The following OCSTAMP variants were observed in gnomAD, a reference collection of about 807,000 sequenced individuals.
The protein encoded by OCSTAMP is osteoclast stimulatory transmembrane protein, also known as transmembrane protein C20orf123.
OCSTAMP carries 17 observed loss-of-function variants against 25.2 expected under a neutral mutation model. The observed-to-expected ratio is 0.68, with a 90% confidence interval of 0.46 to 1.01. The LOEUF is 1.01. Ranked by LOEUF, OCSTAMP falls within the 50% of genes least tolerant of loss-of-function variation. The probability of loss-of-function intolerance (pLI) is 0.00; values close to 1 mark genes in which losing one functional copy is unlikely to be tolerated. For missense variants in OCSTAMP, 664 were observed against 694.6 expected, an observed-to-expected ratio of 0.96 and a Z score of 0.50; for synonymous variants, 345 against 318.9, an observed-to-expected ratio of 1.08 and a Z score of -0.87.
chr20:46,548,357 A>G (rs1686287105), intron 1 of OCSTAMP, among the ~76,000 whole-genome samples: 1 of 152,200 alleles, frequency 6.6e-6, no homozygotes, highest in Non-Finnish European at 1.5e-5. Flanking sequence ...CGTTTTGGTC[A>G]CTGATATGTC....
intron 1 of OCSTAMP, among the ~76,000 whole-genome samples, chr20:46,549,143 G>A (rs1206384819): frequency 6.6e-6 from 1 of 152,184 alleles, no homozygotes; most frequent in African/African-American, 2.4e-5. Flanking sequence ...AGATCAATCT[G>A]TCACTTGCAA....
In OCSTAMP at chr20:46,542,574, C is replaced by CAAAAAAAAAAAAAA. The variant is rs3092597; in HGVS notation, c.1048-661_1048-648dup. On this transcript the variant is annotated intron_variant, in intron 2 of 2. Transcript: ENST00000279028. ...TGGGCAACACAGCAAGACTCTGTCT[C>CAAAAAAAAAAAAAA]AAAAAAAAAAAAAAGATGGGAAGCC... is the stretch of plus-strand genomic sequence containing the variant. 2.9e-4 allele frequency among the ~76,000 whole-genome samples: 29 copies of CAAAAAAAAAAAAAA among 100,350 alleles called. 1 individual carries two copies. In the South Asian group the frequency reaches 7.9e-3, roughly 27 times the overall value. 65.8% of individuals were successfully genotyped at this position (100,350 alleles called of 152,430 possible).
rs1005740739 is a variant in OCSTAMP at position 46,545,897 on chromosome 20, A to G, written c.477T>C (p.Ser159=). Residue 159 remains serine, a synonymous_variant, in exon 2 of 3, where the codon AGT becomes AGC. Transcript: ENST00000279028. Reference sequence around the variant, plus strand: ...GCAGCTGGTGAGTGGTATTGAGGAGACTCTCCAGGGAGCCCTCGGTGACAC... The same window carrying G: ...GCAGCTGGTGAGTGGTATTGAGGAGGCTCTCCAGGGAGCCCTCGGTGACAC... ...LRCVTEGSLE[S]LLNTTHQLHA... 1.9e-6 allele frequency: 3 copies of G among 1,550,890 alleles called. No individual in the cohort carries two copies. Among genetic ancestry groups the G allele is most frequent in the Non-Finnish European group, 2.6e-6 (3 of 1,146,852 alleles).
chr20:46,547,088 A>C (rs900261654), intron 1 of OCSTAMP, among the ~76,000 whole-genome samples: 17 of 152,082 alleles, frequency 1.1e-4, no homozygotes, highest in African/African-American at 4.1e-4. Context: ...GTGTGAGAGA[A>C]AGAGGGGAGT....
intron 2 of OCSTAMP, among the ~76,000 whole-genome samples, chr20:46,544,889 G>C (rs558672746): frequency 6.6e-6 from 1 of 152,302 alleles, no homozygotes; most frequent in Admixed American, 6.5e-5. Context: ...ATAGACAGAT[G>C]TAAGCTATTA....
rs2061850265 is a variant in OCSTAMP, at chr20:46,545,862, G to GGC, written c.511_512insGC (p.Ser171CysfsTer16). ...CTGGCCTGTGGGGCCCAGAGCCCTG[G>GGC]ATGCTGCATGCAGCTGGTGAGTGGT... On this transcript the variant is annotated frameshift_variant, in exon 2 of 3. Coordinates refer to ENST00000279028, the MANE Select transcript of OCSTAMP (RefSeq NM_080721.3). LOFTEE classifies it high-confidence loss of function. The GGC allele has an allele frequency of 6.4e-7, 1 of 1,551,262 alleles. No individual in the cohort carries two copies. Among genetic ancestry groups the GGC allele is most frequent in the African/African-American group, 1.4e-5 (1 of 73,064 alleles).
At chr20:46,550,037 G>A (rs1170139112) in intron 1 of OCSTAMP, among the ~76,000 whole-genome samples, 1 of 152,130 alleles carries the variant, frequency 6.6e-6, no homozygotes, top group Admixed American at 6.5e-5. Context: ...CACCCAGGTG[G>A]CCTTCCACAG....
intron 1 of OCSTAMP, among the ~76,000 whole-genome samples, chr20:46,548,783 G>C (rs995938165): frequency 9.9e-5 from 15 of 152,122 alleles, no homozygotes; most frequent in Admixed American, 3.3e-4. Context: ...CATGTGACTG[G>C]GTCTAGTTGA....
In OCSTAMP at chr20:46,540,967, G is replaced by T; in HGVS notation, c.*307C>A. ...ACTGAGTGTCCTATATTTTAATTTGGCAAAATCTAATCCTGGCAATGGAAA... is the reference window on the plus strand; with the variant it reads ...ACTGAGTGTCCTATATTTTAATTTGTCAAAATCTAATCCTGGCAATGGAAA... On this transcript the variant is annotated 3_prime_UTR_variant, in exon 3 of 3. Coordinates refer to ENST00000279028, the MANE Select transcript of OCSTAMP (RefSeq NM_080721.3). The T allele has an allele frequency of 7.0e-6, 2 of 287,468 alleles. No homozygotes were observed. Among genetic ancestry groups the T allele is most frequent in the South Asian group, 7.5e-5 (1 of 13,312 alleles). The allele number at this position is 287,468 out of a possible 1,614,324, so 17.8% of individuals were successfully genotyped here.
Position 46,550,504 on chromosome 20 carries a change from T to C in OCSTAMP, c.44+13A>G. ...CACCTGTAGCCCTCAGTGTCCAAAGTCCCCAGACCTACCCGGTCTTGACAA... is the reference window on the plus strand; with the variant it reads ...CACCTGTAGCCCTCAGTGTCCAAAGCCCCCAGACCTACCCGGTCTTGACAA... On this transcript the variant is annotated intron_variant, in intron 1 of 2. Coordinates refer to ENST00000279028, the MANE Select transcript of OCSTAMP (RefSeq NM_080721.3). 6.4e-7 allele frequency: 1 copy of C among 1,551,336 alleles called. No homozygotes were observed. Among genetic ancestry groups the C allele is most frequent in the Non-Finnish European group, 8.7e-7 (1 of 1,146,722 alleles).
chr20:46,541,370 C>T lies in OCSTAMP; in HGVS notation c.1605G>A (p.Leu535=), dbSNP rs1295427141. The change falls in exon 3 of 3, where the codon CTG becomes CTA. Residue 535 remains leucine, a synonymous_variant. Transcript: ENST00000279028. ...CAATGGTAAATATGCTGTCGTTATG[C>T]AGATGTAGAAACCGAGGCTCAGAGA... ...LHLSEPRFLH[L]HNDSIFTIDV... The T allele has an allele frequency of 1.2e-6, 1 of 842,684 alleles. No homozygotes were observed. Among genetic ancestry groups the T allele is most frequent in the Non-Finnish European group, 2.0e-6 (1 of 498,954 alleles). 52.2% of individuals were successfully genotyped at this position (842,684 alleles called of 1,614,324 possible).
In OCSTAMP at chr20:46,546,027, T is replaced by C. The variant is rs1167436039; in HGVS notation, c.347A>G (p.Glu116Gly). 6.4e-7 allele frequency: 1 copy of C among 1,551,238 alleles called. No homozygotes were observed. The highest frequency in any genetic ancestry group is 8.7e-7 in the Non-Finnish European group (1 of 1,146,978). ...FALSVPTLGM[E>G]QGRRLLLSYS... Reference sequence around the variant, plus strand: ...GGACAGGAGCAGCCGGCGGCCCTGCTCCATACCCAGGGTGGGCACGCTGAG... The same window carrying C: ...GGACAGGAGCAGCCGGCGGCCCTGCCCCATACCCAGGGTGGGCACGCTGAG... Residue 116 changes from glutamate to glycine, a missense_variant, in exon 2 of 3, where the codon GAG (glutamate) becomes GGG (glycine). Physicochemically the swap from Glu to Gly is moderately conservative, Grantham distance 98 (BLOSUM62 -2). Transcript: ENST00000279028.
Position 46,541,178 on chromosome 20 carries a change from G to A in OCSTAMP, c.*96C>T. On this transcript the variant is annotated 3_prime_UTR_variant, in exon 3 of 3. Transcript: ENST00000279028. ...TCTCCATCTAACAAGTAGAGCAGTT[G>A]GTGCAGATGAGATGAGCCTGATCGC... 4.7e-6 allele frequency: 3 copies of A among 640,842 alleles called. No homozygotes were observed. The highest frequency in any genetic ancestry group is 1.8e-5 in the South Asian group (1 of 54,458). The allele number at this position is 640,842 out of a possible 1,614,324, so 39.7% of individuals were successfully genotyped here. A position where few individuals can be genotyped will look rare whatever the true frequency, so the allele number is the denominator to read the frequency against.
chr20:46,545,318 C>A lies in OCSTAMP; in HGVS notation c.1047+9G>T. ...TGACTCCCTTCCCTTTTCCCATCAT[C>A]ACACTTACATCATACTTGACCGTGA... On this transcript the variant is annotated intron_variant, in intron 2 of 2. Transcript: ENST00000279028. 1 of 1,450,850 alleles carries A rather than the reference C, an allele frequency of 6.9e-7. No individual in the cohort carries two copies. The highest frequency in any genetic ancestry group is 9.1e-7 in the Non-Finnish European group (1 of 1,099,362). The allele number at this position is 1,450,850 out of a possible 1,614,324, so 89.9% of individuals were successfully genotyped here.
At position 46,541,319 on chromosome 20, in the gene OCSTAMP, A is replaced by T. The variant is rs553856395; in HGVS notation, c.1656T>A (p.Asp552Glu). The T allele has an allele frequency of 1.4e-6, 1 of 736,048 alleles. No homozygotes were observed. Among genetic ancestry groups the T allele is most frequent in the South Asian group, 1.5e-5 (1 of 67,914 alleles). The allele number at this position is 736,048 out of a possible 1,614,324, so 45.6% of individuals were successfully genotyped here. A position where few individuals can be genotyped will look rare whatever the true frequency, so the allele number is the denominator to read the frequency against. ...TIDVTYFPRRDVVRMEGNTGH... is the reference protein window; with the variant it reads ...TIDVTYFPRREVVRMEGNTGH... Reference sequence around the variant, plus strand: ...CAGTATTTCCTTCCATCCTGACCACATCCCTGCGTGGGAAGTAGGTCACAT... The same window carrying T: ...CAGTATTTCCTTCCATCCTGACCACTTCCCTGCGTGGGAAGTAGGTCACAT... Residue 552 changes from aspartate (D) to glutamate (E), a missense_variant, in exon 3 of 3, where the codon GAT (aspartate) becomes GAA (glutamate). Asp to Glu is a conservative substitution (Grantham distance 45, BLOSUM62 2). Coordinates refer to ENST00000279028, the MANE Select transcript of OCSTAMP (RefSeq NM_080721.3).
chr20:46,545,987 G>A lies in OCSTAMP; in HGVS notation c.387C>T (p.Thr129=). The part of the protein sequence containing the change: ...RRLLLSYSTA[T]LAIAVVPNVL... Reference sequence around the variant, plus strand: ...CGTTGGGCACCACAGCAATGGCCAGGGTGGCAGTGCTGTAGGACAGGAGCA... The same window carrying A: ...CGTTGGGCACCACAGCAATGGCCAGAGTGGCAGTGCTGTAGGACAGGAGCA... The change falls in exon 2 of 3, where the codon ACC becomes ACT. Residue 129 remains threonine, a synonymous_variant. Transcript: ENST00000279028. 6.4e-7 allele frequency: 1 copy of A among 1,551,398 alleles called. No homozygotes were observed. Among genetic ancestry groups the A allele is most frequent in the South Asian group, 1.2e-5 (1 of 84,060 alleles).
rs1308186494 is a variant in OCSTAMP at position 46,541,929 on chromosome 20, T to C, written c.1048-2A>G. ...GAAGCCCAGGACAGTGTATGCCACCTTGGGAAAGGAGAAAAAGGCAGGGTC... is the reference window on the plus strand; with the variant it reads ...GAAGCCCAGGACAGTGTATGCCACCCTGGGAAAGGAGAAAAAGGCAGGGTC... On this transcript the variant is annotated splice_acceptor_variant, in intron 2 of 2. Coordinates refer to ENST00000279028, the MANE Select transcript of OCSTAMP (RefSeq NM_080721.3). LOFTEE classifies it high-confidence loss of function. 4.2e-6 allele frequency: 6 copies of C among 1,420,650 alleles called. No homozygotes were observed. In the South Asian group the frequency reaches 8.0e-5, roughly 19 times the overall value. The allele number at this position is 1,420,650 out of a possible 1,614,324, so 88.0% of individuals were successfully genotyped here.
chr20:46,543,894 T>C (rs1432288436), intron 2 of OCSTAMP, among the ~76,000 whole-genome samples: 3 of 152,172 alleles, frequency 2.0e-5, no homozygotes, highest in East Asian at 3.8e-4. Flanking sequence ...CACATTTCTT[T>C]ACTGTGACCT....
In OCSTAMP at chr20:46,542,574, C is replaced by CAAAAAAAAAAAAAAAAAAAAAAA. The variant is rs3092597; in HGVS notation, c.1048-648_1048-647insTTTTTTTTTTTTTTTTTTTTTTT. On this transcript the variant is annotated intron_variant, in intron 2 of 2. Coordinates refer to ENST00000279028, the MANE Select transcript of OCSTAMP (RefSeq NM_080721.3). The stretch of plus-strand genomic sequence containing the variant: ...TGGGCAACACAGCAAGACTCTGTCT[C>CAAAAAAAAAAAAAAAAAAAAAAA]AAAAAAAAAAAAAAGATGGGAAGCC... Among the ~76,000 whole-genome samples the CAAAAAAAAAAAAAAAAAAAAAAA allele has an allele frequency of 1.1e-3, 112 of 100,346 alleles. 8 individuals carry two copies. Among genetic ancestry groups the CAAAAAAAAAAAAAAAAAAAAAAA allele is most frequent in the African/African-American group, 5.5e-3 (109 of 19,994 alleles). 65.8% of individuals were successfully genotyped at this position (100,346 alleles called of 152,430 possible). A position where few individuals can be genotyped will look rare whatever the true frequency, so the allele number is the denominator to read the frequency against.
Sources: gnomAD v4.1 joint callset for allele counts (sites outside exome capture counted in the v4.1 genomes callset) on GRCh38, gnomAD v4.1.1 for gene constraint, MANE v1.5 for transcripts, NCBI Gene and HGNC (gene_info 2026-07-23, HGNC 2026-07-21) for gene names.